The following ETF1 variants were observed in gnomAD, a reference collection of about 807,000 sequenced individuals.
The protein encoded by ETF1 is eukaryotic translation termination factor 1.
In ETF1, 4 loss-of-function variants were observed where a neutral mutation model predicts 55.1. The observed-to-expected ratio is 0.07, with a 90% CI of 0.04 to 0.17. The LOEUF (loss-of-function observed/expected upper bound fraction) is 0.17, where lower values mean the gene tolerates loss of function less well. ETF1 is among the 10% of genes least tolerant of loss of function. The probability of loss-of-function intolerance (pLI) is 1.00; values close to 1 mark genes in which losing one functional copy is unlikely to be tolerated. For missense variants in ETF1, 142 were observed against 523.6 expected (o/e 0.27, Z 7.11); for synonymous variants, 157 against 182.3 (o/e 0.86, Z 1.12).
At chr5:138,534,804 C>G (rs1765845231) in intron 2 of ETF1, among the ~76,000 whole-genome samples, 1 of 152,186 alleles carries the variant, frequency 6.6e-6, no homozygotes, top group African/African-American at 2.4e-5. Context: ...CTGGCACTGA[C>G]CCTTACTAAA....
At chr5:138,534,102 G>A (rs780123710) in intron 2 of ETF1, among the ~76,000 whole-genome samples, 3 of 152,092 alleles carry the variant, frequency 2.0e-5, no homozygotes. Context: ...TACCAAGACC[G>A]GAACTTACTG....
rs1320079458 is a variant in ETF1, at chr5:138,507,988, C to A, written c.*317G>T. On this transcript the variant is annotated 3_prime_UTR_variant, in exon 11 of 11. Transcript: ENST00000360541. ...TTCTATGTATGAAGGTTAAAAAAAT[C>A]ATTTTTTTTCATAAAATACAAGAGC... 2 of 257,200 alleles carry A rather than the reference C, an allele frequency of 7.8e-6. No individual in the cohort carries two copies. The allele number at this position is 257,200 out of a possible 1,614,324, so 15.9% of individuals were successfully genotyped here.
In ETF1 at chr5:138,541,307, A is replaced by T. The variant is rs936997709; in HGVS notation, c.86+1526T>A. On this transcript the variant is annotated intron_variant, in intron 2 of 10. Transcript: ENST00000360541. ...ATCATACGGCACAAGTTCCTGTAAG[A>T]TCATTAAGAAGGTCTGGATATTCTA... Among the ~76,000 whole-genome samples, 3 of 152,180 alleles carry T rather than the reference A, an allele frequency of 2.0e-5. No homozygotes were observed. The South Asian group carries it at 6.2e-4, about 32-fold the overall frequency.
chr5:138,518,203 CAAAAAA>C (rs35745884), intron 3 of ETF1, among the ~76,000 whole-genome samples: 43 of 80,434 alleles, frequency 5.3e-4, no homozygotes, highest in Non-Finnish European at 8.6e-4. Flanking sequence ...TGTCTCATCC[CAAAAAA>C]AAAAAAAAAA....
chr5:138,531,570 A>G (rs1765701191), intron 2 of ETF1, among the ~76,000 whole-genome samples: 2 of 152,192 alleles, frequency 1.3e-5, no homozygotes, highest in Admixed American at 6.5e-5. Flanking sequence ...TCAGGTTAGG[A>G]CCAGGAACGT....
At chr5:138,522,250 T>A (rs2127091983) in intron 2 of ETF1, among the ~76,000 whole-genome samples, 1 of 152,282 alleles carries the variant, frequency 6.6e-6, no homozygotes, top group South Asian at 2.1e-4. Context: ...TCATATTATC[T>A]CTTAAGATTT....
chr5:138,543,108 G>A lies in ETF1; in HGVS notation c.-30C>T. 3 of 621,998 alleles carry A rather than the reference G, an allele frequency of 4.8e-6. No individual in the cohort carries two copies. Among genetic ancestry groups the A allele is most frequent in the Non-Finnish European group, 8.2e-6 (3 of 365,046 alleles). 38.5% of individuals were successfully genotyped at this position (621,998 alleles called of 1,614,324 possible). ...TCCCTGTGCCTTACCTAAGGGCCCA[G>A]TCCTGGGCGGCAGCGGCTGCTCCTC... On this transcript the variant is annotated 5_prime_UTR_variant, in exon 1 of 11. Transcript: ENST00000360541.
intron 7 of ETF1, 21 bp downstream of exon 7, chr5:138,511,454 G>A (rs1764783904): frequency 6.2e-7 from 1 of 1,610,154 alleles, no homozygotes; most frequent in African/African-American, 1.4e-5. Context: ...CACAGAATAA[G>A]TAGTTGCATT....
rs201695746 is a variant in ETF1 at position 138,525,786 on chromosome 5, A to C, written c.87-6919T>G. On this transcript the variant is annotated intron_variant, in intron 2 of 10. Transcript: ENST00000360541. ...GATGGTGAAACCCCATCTCTACTAA[A>C]AATACAAAAATTAGCTGGGTGTGGT... 1.4e-4 allele frequency among the ~76,000 whole-genome samples: 22 copies of C among 152,050 alleles called. No individual in the cohort carries two copies. In the East Asian group the frequency reaches 4.3e-3, roughly 30 times the overall value.
At chr5:138,518,972 A>C in intron 2 of ETF1, 105 bp from the exon 3 acceptor site, 1 of 1,540,606 alleles carries the variant, frequency 6.5e-7, no homozygotes, top group South Asian at 1.3e-5. Flanking sequence ...AAAGTTATGG[A>C]AACAGGTCAC....
intron 6 of ETF1, among the ~76,000 whole-genome samples, chr5:138,512,254 ATATATTTTTTTTT>A (rs1277170930): frequency 0.094 from 1,670 of 17,692 alleles, 52 homozygotes; most frequent in Middle Eastern, 0.15. Context: ...ATATATATAT[ATATATTTTTTTTT>A]TTTTTTAAAG....
At chr5:138,512,428 C>T (rs1485441021) in intron 6 of ETF1, among the ~76,000 whole-genome samples, 1 of 150,598 alleles carries the variant, frequency 6.6e-6, no homozygotes, top group Non-Finnish European at 1.5e-5. Flanking sequence ...TATGTATCTC[C>T]AAGAATAAAT....
intron 2 of ETF1, among the ~76,000 whole-genome samples, chr5:138,519,592 G>A (rs915051710): frequency 6.6e-6 from 1 of 151,740 alleles, no homozygotes; most frequent in Non-Finnish European, 1.5e-5. Flanking sequence ...GAATCCGGGA[G>A]GCGGAGGTTG....
chr5:138,539,801 C>T (rs1766099863), intron 2 of ETF1, among the ~76,000 whole-genome samples: 1 of 152,150 alleles, frequency 6.6e-6, no homozygotes, highest in African/African-American at 2.4e-5. Flanking sequence ...TTAAGGAAAT[C>T]TAGTTTTGTA....
chr5:138,532,966 G>A (rs1427734995), intron 2 of ETF1, among the ~76,000 whole-genome samples: 1 of 150,928 alleles, frequency 6.6e-6, no homozygotes, highest in African/African-American at 2.4e-5. Flanking sequence ...TTGAGACGGA[G>A]TCTCACTCTG....
At chr5:138,541,443 G>C (rs1766168851) in intron 2 of ETF1, 4 of 1,070,758 alleles carry the variant, frequency 3.7e-6, no homozygotes, top group Middle Eastern at 2.0e-4. Context: ...CACTGAATGG[G>C]GCCAAACTTT....
chr5:138,534,970 T>C (rs971206868), intron 2 of ETF1, among the ~76,000 whole-genome samples: 13 of 151,094 alleles, frequency 8.6e-5, no homozygotes, highest in East Asian at 7.8e-4. Context: ...AGTTTCTTTT[T>C]TTTTTTTTTT....
intron 4 of ETF1, among the ~76,000 whole-genome samples, chr5:138,516,553 AT>A (rs1387422306): frequency 3.2e-4 from 48 of 152,332 alleles, no homozygotes; most frequent in African/African-American, 1.1e-3. Context: ...AGGCACAAGA[AT>A]CGCTTGAACC....
intron 2 of ETF1, 38 bp from the exon 3 acceptor site, chr5:138,518,905 T>A (rs1269855760): frequency 1.6e-5 from 25 of 1,602,830 alleles, no homozygotes; most frequent in Non-Finnish European, 2.0e-5. Context: ...GATTTAAATA[T>A]CATGTAAGTA....
Sources: gnomAD v4.1 joint callset for allele counts (sites outside exome capture counted in the v4.1 genomes callset) on GRCh38, gnomAD v4.1.1 for gene constraint, MANE v1.5 for transcripts, NCBI Gene and HGNC (gene_info 2026-07-23, HGNC 2026-07-21) for gene names.